BICC1: variants seen among roughly 807,000 people sequenced by gnomAD.
BICC1 encodes the protein protein bicaudal C homolog 1.
BICC1 carries 43 observed loss-of-function variants against 111.0 expected under a neutral mutation model. That is an observed-to-expected ratio of 0.39 (90% CI 0.30 to 0.50). The LOEUF (loss-of-function observed/expected upper bound fraction) is 0.50. BICC1 is among the 20% of genes least tolerant of loss of function. BICC1 has a pLI of 0.88. For synonymous variants in BICC1, 467 were observed against 434.4 expected (o/e 1.07, Z -0.93); for missense variants, 1,091 against 1,203.2 (o/e 0.91, Z 1.38).
chr10:58,686,365 G>A (rs1839726681), intron 2 of BICC1, among the ~76,000 whole-genome samples: 1 of 152,168 alleles, frequency 6.6e-6, no homozygotes, highest in African/African-American at 2.4e-5. Flanking sequence ...TTCTCGAGGA[G>A]TATCTTTGTG....
In BICC1 at chr10:58,530,203, C is replaced by T. The variant is rs79102324; in HGVS notation, c.190+16870C>T. ...TTAATGTACATCATAGCCTGGGTCA[C>T]GTACCTCCACCCCACAAGACCAAGA... is the stretch of plus-strand genomic sequence containing the variant. On this transcript the variant is annotated intron_variant, in intron 1 of 20. Coordinates refer to ENST00000373886, the MANE Select transcript of BICC1 (RefSeq NM_001080512.3). Among the ~76,000 whole-genome samples, 769 of 151,756 alleles carry T rather than the reference C, an allele frequency of 5.1e-3. 4 individuals are homozygous for T. Among genetic ancestry groups the T allele is most frequent in the African/African-American group, 0.018 (733 of 41,410 alleles).
intron 2 of BICC1, among the ~76,000 whole-genome samples, chr10:58,644,121 G>A (rs187530376): frequency 1.3e-5 from 2 of 152,156 alleles, no homozygotes; most frequent in East Asian, 3.9e-4. Context: ...TGGTTATCTG[G>A]CCTTTAGAAT....
intron 3 of BICC1, among the ~76,000 whole-genome samples, chr10:58,782,804 C>G (rs1162007439): frequency 6.6e-6 from 1 of 152,144 alleles, no homozygotes; most frequent in Non-Finnish European, 1.5e-5. Context: ...GCCAAGTATC[C>G]TACCTCCTTT....
chr10:58,686,626 A>G (rs566367935), intron 2 of BICC1, among the ~76,000 whole-genome samples: 2 of 151,980 alleles, frequency 1.3e-5, no homozygotes, highest in African/African-American at 4.8e-5. Context: ...TTGATCTTCA[A>G]TCACTTATAC....
intron 2 of BICC1, among the ~76,000 whole-genome samples, chr10:58,693,738 T>C (rs576676587): frequency 6.6e-6 from 1 of 152,298 alleles, no homozygotes; most frequent in East Asian, 1.9e-4. Context: ...TTTGTTTGAG[T>C]TCACTGTAGA....
intron 1 of BICC1, among the ~76,000 whole-genome samples, chr10:58,561,911 G>A (rs893894606): frequency 6.6e-6 from 1 of 152,004 alleles, no homozygotes; most frequent in Non-Finnish European, 1.5e-5. Context: ...ATTCTTTGCT[G>A]GCAGTTTTCT....
At chr10:58,801,960 A>C (rs1375437745) in intron 14 of BICC1, among the ~76,000 whole-genome samples, 2 of 152,180 alleles carry the variant, frequency 1.3e-5, no homozygotes. Context: ...GTCATCACTG[A>C]GTATGTCCTG....
intron 17 of BICC1, among the ~76,000 whole-genome samples, chr10:58,808,640 G>A (rs1360003698): frequency 6.6e-6 from 1 of 152,100 alleles, no homozygotes; most frequent in Non-Finnish European, 1.5e-5. Context: ...CATTCAGGTT[G>A]TGCTGAGAAG....
chr10:58,541,785 C>T lies in BICC1; in HGVS notation c.190+28452C>T, dbSNP rs182358270. ...AAAAGAAAAACAAAGCTCGAAACCTCGTATGTCCTGACTTAAAAACATATT... is the reference window on the plus strand; with the variant it reads ...AAAAGAAAAACAAAGCTCGAAACCTTGTATGTCCTGACTTAAAAACATATT... On this transcript the variant is annotated intron_variant, in intron 1 of 20. Transcript: ENST00000373886. 2.4e-3 allele frequency among the ~76,000 whole-genome samples: 367 copies of T among 152,096 alleles called. 3 individuals are homozygous for T. Among genetic ancestry groups the T allele is most frequent in the Non-Finnish European group, 2.5e-3 (173 of 67,984 alleles).
chr10:58,586,105 G>A (rs984732600), intron 1 of BICC1, among the ~76,000 whole-genome samples: 11 of 152,172 alleles, frequency 7.2e-5, no homozygotes, highest in Admixed American at 5.2e-4. Flanking sequence ...AAAAATGTAA[G>A]CATTTGTAGT....
Position 58,673,786 on chromosome 10 carries a change from C to CTTTT in BICC1, c.238-28276_238-28273dup, listed in dbSNP as rs5785337. Among the ~76,000 whole-genome samples the CTTTT allele has an allele frequency of 2.9e-5, 4 of 138,284 alleles. 1 individual carries two copies. Among genetic ancestry groups the CTTTT allele is most frequent in the Admixed American group, 7.3e-5 (1 of 13,758 alleles). The allele number at this position is 138,284 out of a possible 152,430, so 90.7% of individuals were successfully genotyped here. On this transcript the variant is annotated intron_variant, in intron 2 of 20. Transcript: ENST00000373886. ...TACAGGTGTGTGCTACCACGCCCAG[C>CTTTT]TTTTTTTTTTTTTTTGTATTTTTAG...
chr10:58,676,482 A>G (rs1000840776), intron 2 of BICC1, among the ~76,000 whole-genome samples: 1 of 152,200 alleles, frequency 6.6e-6, no homozygotes, highest in Non-Finnish European at 1.5e-5. Context: ...AAGCTTCTGT[A>G]GCCAGATTCC....
At chr10:58,604,279 T>G (rs1564508421) in intron 1 of BICC1, among the ~76,000 whole-genome samples, 2 of 152,180 alleles carry the variant, frequency 1.3e-5, no homozygotes, top group Non-Finnish European at 2.9e-5. Context: ...ATAAACACAT[T>G]GTTGTCTTAT....
At chr10:58,597,653 GAC>G (rs1844862830) in intron 1 of BICC1, among the ~76,000 whole-genome samples, 1 of 151,972 alleles carries the variant, frequency 6.6e-6, no homozygotes, top group East Asian at 1.9e-4. Flanking sequence ...AACCACATAA[GAC>G]AGACATTCCC....
At chr10:58,801,122 C>G (rs1342051248) in intron 14 of BICC1, 76 bp downstream of exon 14, 1 of 1,264,354 alleles carries the variant, frequency 7.9e-7, no homozygotes, top group African/African-American at 1.6e-5. Context: ...ATAGTTAGTA[C>G]TCTTTGATTC....
At position 58,831,337 on chromosome 10, in the gene BICC1, G is replaced by A. The variant is rs1364437291; in HGVS notation, c.*2446G>A. ...CTTTTAGTGATTTTTTTCCAAAAAC[G>A]AGAGATGGAATTAACATTGAAAATG... On this transcript the variant is annotated 3_prime_UTR_variant, in exon 21 of 21. Coordinates refer to ENST00000373886, the MANE Select transcript of BICC1 (RefSeq NM_001080512.3). The A allele has an allele frequency of 1.3e-5, 2 of 151,974 alleles. No individual in the cohort carries two copies. Among genetic ancestry groups the A allele is most frequent in the African/African-American group, 4.8e-5 (2 of 41,398 alleles). 9.4% of individuals were successfully genotyped at this position (151,974 alleles called of 1,614,324 possible).
intron 3 of BICC1, among the ~76,000 whole-genome samples, chr10:58,724,254 C>A (rs1035598036): frequency 4.6e-5 from 7 of 152,154 alleles, no homozygotes; most frequent in African/African-American, 1.4e-4. Flanking sequence ...ATAATCTAAG[C>A]ACTTAATAAC....
chr10:58,823,603 A>G lies in BICC1; in HGVS notation c.2794+3135A>G, dbSNP rs564831967. On this transcript the variant is annotated intron_variant, in intron 20 of 20. Transcript: ENST00000373886. ...ATTTATTTTGAAAAACTTTGTCTTC[A>G]TGGCCCAGTTGTTGTCATGTGCTCA... 4 of 985,338 alleles carry G rather than the reference A, an allele frequency of 4.1e-6. No individual in the cohort carries two copies. The East Asian group carries it at 4.5e-4, about 112-fold the overall frequency. 61.0% of individuals were successfully genotyped at this position (985,338 alleles called of 1,614,324 possible).
At chr10:58,713,246 C>G (rs1192680215) in intron 3 of BICC1, among the ~76,000 whole-genome samples, 1 of 152,174 alleles carries the variant, frequency 6.6e-6, no homozygotes, top group Admixed American at 6.5e-5. Flanking sequence ...TCTCTGCTTT[C>G]TTGGGCTCCT....
Sources: gnomAD v4.1 joint callset for allele counts (sites outside exome capture counted in the v4.1 genomes callset) on GRCh38, gnomAD v4.1.1 for gene constraint, MANE v1.5 for transcripts, NCBI Gene and HGNC (gene_info 2026-07-23, HGNC 2026-07-21) for gene names.